NAV1: variants seen among roughly 807,000 people sequenced by gnomAD.
NAV1 encodes neuron navigator 1.
In NAV1, 18 loss-of-function variants were observed where a neutral mutation model predicts 175.2. The ratio of observed to expected loss-of-function variants is 0.10; its 90% CI spans 0.07 to 0.15. NAV1 has a LOEUF of 0.15. Among genes scored for constraint, NAV1 ranks in the 10% least tolerant of loss-of-function variants. NAV1 has a pLI of 1.00. For missense variants in NAV1, 1,731 were observed against 2,436.6 expected (o/e 0.71, Z 6.10); for synonymous variants, 897 against 978.7 (o/e 0.92, Z 1.56).
In NAV1 at chr1:201,740,856, A is replaced by G. The variant is rs1176395887; in HGVS notation, c.1226+22101A>G. Among the ~76,000 whole-genome samples, 1 of 152,080 alleles carries G rather than the reference A, an allele frequency of 6.6e-6. No homozygotes were observed. Among genetic ancestry groups the G allele is most frequent in the Non-Finnish European group, 1.5e-5 (1 of 67,994 alleles). The stretch of plus-strand genomic sequence containing the variant: ...GAGCTGACTTGGAAACTGCACTTCC[A>G]AGGGAGAATTAGGAAATTCCACCGG... On this transcript the variant is annotated intron_variant, in intron 3 of 29. Coordinates refer to ENST00000367296, the Ensembl canonical transcript of NAV1. The surrounding 1 kb of genome is among the most constrained non-coding windows in gnomAD (Gnocchi z 4.7).
intron 1 of NAV1, among the ~76,000 whole-genome samples, chr1:201,669,625 A>T (rs1669957835): frequency 6.6e-6 from 1 of 152,222 alleles, no homozygotes; most frequent in African/African-American, 2.4e-5. Context: ...TTCCAAAGTC[A>T]CTGAGGCTGC....
Position 201,725,650 on chromosome 1 carries a change from T to TAA in NAV1, c.1226+6905_1226+6906dup, listed in dbSNP as rs5780086. 4.0e-3 allele frequency among the ~76,000 whole-genome samples: 586 copies of TAA among 147,596 alleles called. 6 individuals carry two copies. The highest frequency in any genetic ancestry group is 8.3e-3 in the African/African-American group (335 of 40,306). On this transcript the variant is annotated intron_variant, in intron 3 of 29. Coordinates refer to ENST00000367296, the Ensembl canonical transcript of NAV1. The stretch of plus-strand genomic sequence containing the variant: ...GGTGACAGAGCAAGACTCCGTCTCT[T>TAA]AAAAAAAAAAACATGAATAAGTGGG...
chr1:201,806,730 C>A (rs760348282), intron 17 of NAV1, among the ~76,000 whole-genome samples: 5 of 152,192 alleles, frequency 3.3e-5, no homozygotes, highest in Non-Finnish European at 5.9e-5. Flanking sequence ...CCTGACTGCT[C>A]AGTGATAAGA....
Position 201,810,474 on chromosome 1 carries a change from A to G in NAV1, c.4562-49A>G. ...GAAAAGCCCTTTAGGATCCCTTGCT[A>G]TCCTCAAGACCCTGGTCAATACTCA... is the stretch of plus-strand genomic sequence containing the variant. On this transcript the variant is annotated intron_variant, in intron 23 of 29. Coordinates refer to ENST00000367296, the Ensembl canonical transcript of NAV1. The surrounding 1 kb of genome is among the most constrained non-coding windows in gnomAD (Gnocchi z 6.0). The G allele has an allele frequency of 6.5e-7, 1 of 1,529,726 alleles. No individual in the cohort carries two copies. The highest frequency in any genetic ancestry group is 8.9e-7 in the Non-Finnish European group (1 of 1,126,196). The allele number at this position is 1,529,726 out of a possible 1,614,324, so 94.8% of individuals were successfully genotyped here.
At chr1:201,640,074 G>A (rs1469524728) in intron 2 of NAV1, among the ~76,000 whole-genome samples, 3 of 152,042 alleles carry the variant, frequency 2.0e-5, no homozygotes, top group East Asian at 1.9e-4. Context: ...AGGGCAGACC[G>A]AGGCCCATGA....
chr1:201,622,862 C>G (rs1292764539), upstream of NAV1: 3 of 985,840 alleles, frequency 3.0e-6, no homozygotes, highest in Non-Finnish European at 3.6e-6. Context: ...GGACAGTAGC[C>G]CACACTTCCA....
intron 2 of NAV1, among the ~76,000 whole-genome samples, chr1:201,597,688 T>C (rs947832670): frequency 3.3e-5 from 5 of 152,032 alleles, no homozygotes; most frequent in African/African-American, 1.2e-4. Context: ...AGGAGCCGGG[T>C]TTCCTCCCTC....
chr1:201,618,296 T>A (rs1668061981), upstream of NAV1, among the ~76,000 whole-genome samples: 1 of 152,172 alleles, frequency 6.6e-6, no homozygotes, highest in African/African-American at 2.4e-5. Context: ...CCATGCATGT[T>A]GCCTACAGTG....
At chr1:201,685,423 T>C (rs978417926) in intron 1 of NAV1, among the ~76,000 whole-genome samples, 1 of 152,212 alleles carries the variant, frequency 6.6e-6, no homozygotes, top group Non-Finnish European at 1.5e-5. Flanking sequence ...GCCTTGGGGC[T>C]GTAAGGCAAA....
At chr1:201,776,449 G>A (rs1675950716) in intron 3 of NAV1, among the ~76,000 whole-genome samples, 1 of 151,670 alleles carries the variant, frequency 6.6e-6, no homozygotes, top group Non-Finnish European at 1.5e-5. Context: ...AGACCATTCT[G>A]GCTAACACGG....
chr1:201,664,538 G>A (rs755699674), intron 1 of NAV1, among the ~76,000 whole-genome samples: 3 of 152,140 alleles, frequency 2.0e-5, no homozygotes, highest in Non-Finnish European at 2.9e-5. Context: ...AATGAAAAGC[G>A]CCCCAAAATT....
intron 2 of NAV1, among the ~76,000 whole-genome samples, chr1:201,595,833 C>A: frequency 6.6e-6 from 1 of 152,268 alleles, no homozygotes; most frequent in East Asian, 1.9e-4. Context: ...AGGTGCCCTT[C>A]TTCTGCCTCT....
At chr1:201,693,767 A>C (rs974432003) in intron 1 of NAV1, among the ~76,000 whole-genome samples, 2 of 152,210 alleles carry the variant, frequency 1.3e-5, no homozygotes, top group African/African-American at 4.8e-5. Context: ...CTGAATGGGC[A>C]GGAGTATGTG....
At chr1:201,597,010 G>A (rs960360340) in intron 2 of NAV1, among the ~76,000 whole-genome samples, 13 of 152,052 alleles carry the variant, frequency 8.5e-5, no homozygotes, top group African/African-American at 3.1e-4. Flanking sequence ...ATTTTTAGTA[G>A]AGATGGAGTT....
intron 1 of NAV1, among the ~76,000 whole-genome samples, chr1:201,708,375 G>A (rs773544618): frequency 6.6e-6 from 1 of 151,942 alleles, no homozygotes; most frequent in Non-Finnish European, 1.5e-5. Flanking sequence ...CATAGACCTT[G>A]GTGTCGCCCT....
chr1:201,688,740 C>T (rs1040563651), intron 1 of NAV1, among the ~76,000 whole-genome samples: 5 of 152,218 alleles, frequency 3.3e-5, no homozygotes, highest in African/African-American at 1.2e-4. Context: ...TAATCGTCTT[C>T]GGAAGCAAAG....
In NAV1 at chr1:201,808,095, C is replaced by G. The variant is rs1471988464; in HGVS notation, c.3791C>G (p.Ala1264Gly). 1.2e-6 allele frequency: 2 copies of G among 1,614,188 alleles called. No individual in the cohort carries two copies. Among genetic ancestry groups the G allele is most frequent in the South Asian group, 1.1e-5 (1 of 91,084 alleles). The change falls in exon 18 of 30, where the codon GCT becomes GGT. Residue 1264 changes from alanine to glycine, a missense_variant. Ala to Gly is a moderately conservative substitution (Grantham distance 60). Coordinates refer to ENST00000367296, the Ensembl canonical transcript of NAV1. This position sits in a 1 kb window ranked among gnomAD's most constrained non-coding sequence, Gnocchi z 5.5. ...CTACAGCATGGTTCTACAGAGACTG[C>G]TTCACCCTCCATCAAGTCCTCCACC...
chr1:201,649,082 G>T, exon 1 of NAV1: 5 of 1,613,232 alleles, frequency 3.1e-6, no homozygotes, highest in South Asian at 2.2e-5. Flanking sequence ...TGTCCAAGAC[G>T]CTGTCCAAGT....
chr1:201,599,760 C>T (rs943694397), intron 2 of NAV1, among the ~76,000 whole-genome samples: 3 of 152,052 alleles, frequency 2.0e-5, no homozygotes, highest in Non-Finnish European at 4.4e-5. Flanking sequence ...GGCTCAGGGA[C>T]AGGGGGAGGG....
Sources: allele counts gnomAD v4.1 joint callset (sites outside exome capture counted in the v4.1 genomes callset), GRCh38; gene constraint gnomAD v4.1.1; non-coding constraint Gnocchi (gnomAD v3.1); transcripts MANE v1.5; gene names NCBI Gene and HGNC (gene_info 2026-07-23, HGNC 2026-07-21).